TRAF3IP1: variants seen among roughly 807,000 people sequenced by gnomAD.
The protein encoded by TRAF3IP1 is intraflagellar transport 54.
Under a neutral mutation model 89.9 loss-of-function variants are expected in TRAF3IP1, and 53 were observed. The observed-to-expected ratio is 0.59, with a 90% CI of 0.47 to 0.74. The LOEUF is 0.74. Among genes scored for constraint, TRAF3IP1 ranks in the 30% least tolerant of loss-of-function variants. The probability of loss-of-function intolerance (pLI) is 0.00; values close to 1 mark genes in which losing one functional copy is unlikely to be tolerated. For synonymous variants in TRAF3IP1, 311 were observed against 322.1 expected (o/e 0.97, Z 0.37); for missense variants, 806 against 866.1 (o/e 0.93, Z 0.87).
At chr2:238,382,104 A>T (rs578175456) in intron 15 of TRAF3IP1, among the ~76,000 whole-genome samples, 16 of 152,324 alleles carry the variant, frequency 1.1e-4, no homozygotes, top group African/African-American at 3.8e-4. Flanking sequence ...TGAAGGAGGA[A>T]ACACCAAAGC....
At position 238,351,870 on chromosome 2, in the gene TRAF3IP1, C is replaced by CGT. The variant is rs1559371467; in HGVS notation, c.1452-956_1452-955insTG. On this transcript the variant is annotated intron_variant, in intron 12 of 16. Coordinates refer to ENST00000373327, the MANE Select transcript of TRAF3IP1 (RefSeq NM_015650.4). The surrounding 1 kb of genome is among the most constrained non-coding windows in gnomAD (Gnocchi z 5.2). ...GTGTGTGTGTGTGTGTGTGTGTGCG[C>CGT]GCGCGCGCGTGTGCGTGCATGTGCT... Among the ~76,000 whole-genome samples, 1 of 143,790 alleles carries CGT rather than the reference C, an allele frequency of 7.0e-6. No homozygotes were observed. Among genetic ancestry groups the CGT allele is most frequent in the African/African-American group, 2.8e-5 (1 of 35,488 alleles). 94.3% of individuals were successfully genotyped at this position (143,790 alleles called of 152,430 possible). A position where few individuals can be genotyped will look rare whatever the true frequency, so the allele number is the denominator to read the frequency against.
rs775979114 is a variant in TRAF3IP1 at position 238,325,924 on chromosome 2, G to C, written c.308G>C (p.Arg103Thr). ...ARIVAGHEPE[R>T]TNELLQIIGK... ...ATCGTGGCGGGGCATGAGCCTGAAA[G>C]AACAAACGAGCTGCTCCAGATAATT... The change falls in exon 3 of 17, where the codon AGA (arginine) becomes ACA (threonine). Residue 103 changes from arginine (R) to threonine (T), a missense_variant. Physicochemically the swap from Arg to Thr is moderately conservative, Grantham distance 71 (BLOSUM62 -1). Coordinates refer to ENST00000373327, the MANE Select transcript of TRAF3IP1 (RefSeq NM_015650.4). 4 of 1,613,942 alleles carry C rather than the reference G, an allele frequency of 2.5e-6. No individual in the cohort carries two copies. The highest frequency in any genetic ancestry group is 1.7e-5 in the Admixed American group (1 of 59,972).
chr2:238,396,536 A>T (rs986228119), intron 15 of TRAF3IP1, among the ~76,000 whole-genome samples: 6 of 151,240 alleles, frequency 4.0e-5, no homozygotes, highest in Non-Finnish European at 8.8e-5. Context: ...TAATAATAAT[A>T]AAAAAATTAA....
rs1429047819 is a variant in TRAF3IP1 at position 238,400,752 on chromosome 2, A to G, written c.*1833A>G. ...AGATGTCTGCCTTTTATGAATTTGT[A>G]TATGTGAATAGAGTTTGGGGGTTGC... On this transcript the variant is annotated 3_prime_UTR_variant, in exon 17 of 17. Coordinates refer to ENST00000373327, the MANE Select transcript of TRAF3IP1 (RefSeq NM_015650.4). The G allele has an allele frequency of 2.0e-5, 3 of 152,200 alleles. No individual in the cohort carries two copies. The highest frequency in any genetic ancestry group is 4.8e-5 in the African/African-American group (2 of 41,448). 9.4% of individuals were successfully genotyped at this position (152,200 alleles called of 1,614,324 possible).
intron 14 of TRAF3IP1, 102 bp from the exon 15 acceptor site, chr2:238,355,902 T>G (rs183264443): frequency 6.3e-6 from 5 of 788,922 alleles, no homozygotes; most frequent in Non-Finnish European, 1.1e-5. Flanking sequence ...TAAAAAGAGA[T>G]AGGATAAAAA....
rs78610399 is a variant in TRAF3IP1 at position 238,390,600 on chromosome 2, T to C, written c.1690-6859T>C. Among the ~76,000 whole-genome samples, 614 of 152,316 alleles carry C rather than the reference T, an allele frequency of 4.0e-3. 4 individuals are homozygous for C. Among genetic ancestry groups the C allele is most frequent in the African/African-American group, 0.014 (596 of 41,562 alleles). On this transcript the variant is annotated intron_variant, in intron 15 of 16. Coordinates refer to ENST00000373327, the MANE Select transcript of TRAF3IP1 (RefSeq NM_015650.4). Reference sequence around the variant, plus strand: ...ATCAGTGCACAGGAAAAAGCACCCATGCCTTGTCCTGGGGGCACTTGCAAC... The same window carrying C: ...ATCAGTGCACAGGAAAAAGCACCCACGCCTTGTCCTGGGGGCACTTGCAAC...
intron 8 of TRAF3IP1, among the ~76,000 whole-genome samples, chr2:238,341,629 C>T (rs1295292230): frequency 6.6e-6 from 1 of 151,264 alleles, no homozygotes; most frequent in African/African-American, 2.4e-5. Flanking sequence ...TGATGGACCT[C>T]TTTCAATTGT....
At chr2:238,386,204 T>C (rs1198198235) in intron 15 of TRAF3IP1, among the ~76,000 whole-genome samples, 1 of 152,182 alleles carries the variant, frequency 6.6e-6, no homozygotes, top group East Asian at 1.9e-4. Context: ...GTAAAGCCGG[T>C]CTTAGAGTCA....
rs1464064364 is a variant in TRAF3IP1 at position 238,352,773 on chromosome 2, T to C, written c.1452-54T>C. 5 of 1,550,654 alleles carry C rather than the reference T, an allele frequency of 3.2e-6. No homozygotes were observed. In the East Asian group the frequency reaches 9.0e-5, roughly 28 times the overall value. ...CGACCTCTGACACAGTTTCAGATGC[T>C]TGGGACTGATGAAAATGTGTAATTC... On this transcript the variant is annotated intron_variant, in intron 12 of 16. Transcript: ENST00000373327.
At position 238,351,866 on chromosome 2, in the gene TRAF3IP1, T is replaced by TGTGCGCGC. The variant is rs1421537563; in HGVS notation, c.1452-960_1452-959insTGCGCGCG. On this transcript the variant is annotated intron_variant, in intron 12 of 16. Transcript: ENST00000373327. This position sits in a 1 kb window ranked among gnomAD's most constrained non-coding sequence, Gnocchi z 5.2. ...GTGTGTGTGTGTGTGTGTGTGTGTG[T>TGTGCGCGC]GCGCGCGCGCGCGTGTGCGTGCATG... Among the ~76,000 whole-genome samples, 1 of 128,194 alleles carries TGTGCGCGC rather than the reference T, an allele frequency of 7.8e-6. No homozygotes were observed. The highest frequency in any genetic ancestry group is 1.6e-5 in the Non-Finnish European group (1 of 62,258). 84.1% of individuals were successfully genotyped at this position (128,194 alleles called of 152,430 possible). A position where few individuals can be genotyped will look rare whatever the true frequency, so the allele number is the denominator to read the frequency against.
chr2:238,334,608 G>A lies in TRAF3IP1; in HGVS notation c.1063+573G>A, dbSNP rs187613965. ...GGAGGCTTATTTTTCATTGAAGTAT[G>A]AAGTTACTTTGAATGAGCAGTGCTA... On this transcript the variant is annotated intron_variant, in intron 7 of 16. Transcript: ENST00000373327. 2.4e-3 allele frequency among the ~76,000 whole-genome samples: 359 copies of A among 152,340 alleles called. 4 individuals carry two copies. Among genetic ancestry groups the A allele is most frequent in the African/African-American group, 8.0e-3 (332 of 41,574 alleles).
At chr2:238,343,671 G>T (rs553601449) in intron 8 of TRAF3IP1, among the ~76,000 whole-genome samples, 1 of 124,694 alleles carries the variant, frequency 8.0e-6, no homozygotes, top group Non-Finnish European at 1.6e-5. Context: ...TTTTTTCCCC[G>T]AGATAGGGTC....
Position 238,332,866 on chromosome 2 carries a change from A to G in TRAF3IP1, c.958A>G (p.Thr320Ala). The G allele has an allele frequency of 6.2e-7, 1 of 1,613,196 alleles. No individual in the cohort carries two copies. The highest frequency in any genetic ancestry group is 1.3e-5 in the African/African-American group (1 of 74,948). Residue 320 changes from threonine (T) to alanine (A), a missense_variant, in exon 6 of 17, where the codon ACT (threonine) becomes GCT (alanine). Coordinates refer to ENST00000373327, the MANE Select transcript of TRAF3IP1 (RefSeq NM_015650.4). ...GEMSKKLSDG[T>A]FKDSKAETET... is the part of the protein sequence containing the mutation. ...GATGTCTAAAAAGTTATCAGATGGA[A>G]CTTTTAAAGACTCCAAGGCTGAAAC...
chr2:238,353,152 C>T (rs908056067), intron 13 of TRAF3IP1, 21 bp from the exon 14 acceptor site: 5 of 1,613,736 alleles, frequency 3.1e-6, no homozygotes, highest in Non-Finnish European at 4.2e-6. Context: ...TCTTCTTTTT[C>T]CCCCTTCCTT....
intron 15 of TRAF3IP1, among the ~76,000 whole-genome samples, chr2:238,382,351 C>G (rs1700584833): frequency 2.6e-5 from 4 of 152,138 alleles, no homozygotes; most frequent in Admixed American, 2.6e-4. Flanking sequence ...AAGAAAAGAG[C>G]TCTGCAAAGG....
At position 238,379,852 on chromosome 2, in the gene TRAF3IP1, G is replaced by A. The variant is rs1700472610; in HGVS notation, c.1690-17607G>A. ...TCAATAGAAAATGATTAATATTTTA[G>A]TAAGACATTTAAAATAGCAAATCCA... On this transcript the variant is annotated intron_variant, in intron 15 of 16. Transcript: ENST00000373327. This position sits in a 1 kb window ranked among gnomAD's most constrained non-coding sequence, Gnocchi z 4.0. 6.6e-6 allele frequency among the ~76,000 whole-genome samples: 1 copy of A among 152,186 alleles called. No homozygotes were observed. The highest frequency in any genetic ancestry group is 1.5e-5 in the Non-Finnish European group (1 of 68,038).
At chr2:238,324,967 C>T (rs2106358018) in intron 1 of TRAF3IP1, among the ~76,000 whole-genome samples, 1 of 152,282 alleles carries the variant, frequency 6.6e-6, no homozygotes, top group South Asian at 2.1e-4. Flanking sequence ...TTCTGTAAGC[C>T]TGGTCCCCAT....
At chr2:238,376,302 C>T (rs1166824841) in intron 15 of TRAF3IP1, among the ~76,000 whole-genome samples, 2 of 152,204 alleles carry the variant, frequency 1.3e-5, no homozygotes, top group East Asian at 1.9e-4. Context: ...ATTCTTAGCT[C>T]ATGGGCTATA....
At chr2:238,352,721 A>G (rs762574928) in intron 12 of TRAF3IP1, 106 bp from the exon 13 acceptor site, 41 of 1,108,404 alleles carry the variant, frequency 3.7e-5, no homozygotes, top group Non-Finnish European at 4.8e-5. Flanking sequence ...CTAGCTAGAG[A>G]TGGTTGGTGA....
Sources: gnomAD v4.1 joint callset for allele counts (sites outside exome capture counted in the v4.1 genomes callset) on GRCh38, gnomAD v4.1.1 for gene constraint, Gnocchi (gnomAD v3.1) non-coding constraint, MANE v1.5 for transcripts, NCBI Gene and HGNC (gene_info 2026-07-23, HGNC 2026-07-21) for gene names.